The following NEGR1 variants were observed in gnomAD, a reference collection of about 807,000 sequenced individuals.
NEGR1 encodes IgLON family member 4.
In NEGR1, 10 loss-of-function variants were observed where a neutral mutation model predicts 40.9. The ratio of observed to expected loss-of-function variants is 0.24; its 90% CI spans 0.15 to 0.42. The LOEUF (loss-of-function observed/expected upper bound fraction) is 0.42, where lower values mean the gene tolerates loss of function less well. NEGR1 is among the 10% of genes least tolerant of loss of function. NEGR1 has a pLI of 1.00. For missense variants in NEGR1, 352 were observed against 438.9 expected, an observed-to-expected ratio of 0.80 and a Z score of 1.77; for synonymous variants, 185 against 166.8, an observed-to-expected ratio of 1.11 and a Z score of -0.84.
chr1:72,092,335 C>T (rs1453315543), intron 1 of NEGR1, among the ~76,000 whole-genome samples: 4 of 152,046 alleles, frequency 2.6e-5, no homozygotes, highest in African/African-American at 7.2e-5. Flanking sequence ...CTCTACCAAA[C>T]ATGAAAAAAT....
chr1:71,638,432 T>A (rs1232868712), intron 4 of NEGR1, among the ~76,000 whole-genome samples: 1 of 152,058 alleles, frequency 6.6e-6, no homozygotes, highest in African/African-American at 2.4e-5. Flanking sequence ...GATTAGAGAA[T>A]ATAAAAATAA....
At chr1:71,819,374 A>G (rs1185558245) in intron 2 of NEGR1, among the ~76,000 whole-genome samples, 1 of 151,996 alleles carries the variant, frequency 6.6e-6, no homozygotes, top group Non-Finnish European at 1.5e-5. Context: ...AATAAATGCC[A>G]CTATAGACCA....
intron 6 of NEGR1, among the ~76,000 whole-genome samples, chr1:71,519,720 A>T (rs546792662): frequency 1.9e-5 from 2 of 102,860 alleles, no homozygotes; most frequent in South Asian, 6.7e-4. Context: ...CCTAACACTT[A>T]GAGTATAATA....
intron 1 of NEGR1, among the ~76,000 whole-genome samples, chr1:72,018,809 G>A (rs562375219): frequency 1.3e-5 from 2 of 152,210 alleles, no homozygotes; most frequent in Admixed American, 6.5e-5. Flanking sequence ...CACAGTCAGG[G>A]GCCACTGCAA....
chr1:72,001,903 C>A (rs959086369), intron 1 of NEGR1, among the ~76,000 whole-genome samples: 1 of 151,798 alleles, frequency 6.6e-6, no homozygotes, highest in Admixed American at 6.6e-5. Context: ...CTACATAGAC[C>A]ATAGACATGT....
intron 6 of NEGR1, among the ~76,000 whole-genome samples, chr1:71,453,966 A>G (rs185388664): frequency 6.6e-6 from 1 of 152,290 alleles, no homozygotes; most frequent in East Asian, 1.9e-4. Context: ...TATGCTGCAA[A>G]TGTTAGTTTT....
intron 4 of NEGR1, among the ~76,000 whole-genome samples, chr1:71,675,779 G>C (rs1431202750): frequency 8.5e-6 from 1 of 118,154 alleles, no homozygotes; most frequent in Non-Finnish European, 1.8e-5. Flanking sequence ...GGTTTTTGTT[G>C]TTGTTGTTTG....
intron 1 of NEGR1, among the ~76,000 whole-genome samples, chr1:72,119,852 A>T (rs995727268): frequency 1.3e-5 from 2 of 152,008 alleles, no homozygotes. Context: ...AAGGCTTCTC[A>T]TAGGGAATTT....
chr1:71,540,368 G>A (rs1184708691), intron 6 of NEGR1, among the ~76,000 whole-genome samples: 6 of 151,704 alleles, frequency 4.0e-5, no homozygotes, highest in African/African-American at 1.2e-4. Flanking sequence ...GAAAGGCAGG[G>A]CCTAGATACC....
intron 1 of NEGR1, among the ~76,000 whole-genome samples, chr1:71,941,355 T>G (rs1645957658): frequency 6.6e-6 from 1 of 152,160 alleles, no homozygotes; most frequent in Non-Finnish European, 1.5e-5. Flanking sequence ...TAGGGCACTC[T>G]CTTCTTGATA....
chr1:71,528,403 C>T (rs573273989), intron 6 of NEGR1, among the ~76,000 whole-genome samples: 2 of 151,364 alleles, frequency 1.3e-5, no homozygotes, highest in African/African-American at 4.8e-5. Context: ...AGATAATAAC[C>T]TATGCTCCTA....
chr1:71,758,151 G>T (rs1173004590), intron 3 of NEGR1, among the ~76,000 whole-genome samples: 4 of 152,000 alleles, frequency 2.6e-5, no homozygotes, highest in South Asian at 2.1e-4. Context: ...GGTAACCCAA[G>T]TCCTAACCAT....
intron 4 of NEGR1, among the ~76,000 whole-genome samples, chr1:71,676,176 C>A (rs1652627854): frequency 6.6e-6 from 1 of 152,078 alleles, no homozygotes; most frequent in Admixed American, 6.6e-5. Flanking sequence ...GGGTTCCAAG[C>A]CACTAAGGAC....
chr1:71,971,977 T>C (rs17092006), intron 1 of NEGR1, among the ~76,000 whole-genome samples: 3,486 of 152,298 alleles, frequency 0.023, 121 homozygotes, highest in African/African-American at 0.079. Flanking sequence ...GAGACTGTTT[T>C]TAGGAAAATA....
chr1:72,264,567 A>C (rs2100549631), intron 1 of NEGR1, among the ~76,000 whole-genome samples: 1 of 150,914 alleles, frequency 6.6e-6, no homozygotes, highest in East Asian at 1.9e-4. Context: ...ATAAAGTCAT[A>C]TTTCTTTGTT....
At chr1:72,262,420 A>G (rs999676595) in intron 1 of NEGR1, among the ~76,000 whole-genome samples, 5 of 151,972 alleles carry the variant, frequency 3.3e-5, no homozygotes, top group African/African-American at 4.8e-5. Context: ...AGGGTTCATT[A>G]CTTTTGTCCT....
chr1:71,894,693 G>T (rs1399227888), intron 2 of NEGR1, among the ~76,000 whole-genome samples: 1 of 152,208 alleles, frequency 6.6e-6, no homozygotes, highest in Non-Finnish European at 1.5e-5. Flanking sequence ...ACGCTAACTT[G>T]TCAATCCTTC....
At chr1:72,247,980 G>A (rs1227875396) in intron 1 of NEGR1, among the ~76,000 whole-genome samples, 1 of 152,030 alleles carries the variant, frequency 6.6e-6, no homozygotes, top group African/African-American at 2.4e-5. Context: ...GGTGCATCAC[G>A]TGGTGAAAGC....
At chr1:71,832,831 G>A (rs1291901527) in intron 2 of NEGR1, among the ~76,000 whole-genome samples, 1 of 152,012 alleles carries the variant, frequency 6.6e-6, no homozygotes, top group Non-Finnish European at 1.5e-5. Context: ...TTCAAACAGG[G>A]AAGCCTGTTT....
Sources: gnomAD v4.1 joint callset for allele counts (sites outside exome capture counted in the v4.1 genomes callset) on GRCh38, gnomAD v4.1.1 for gene constraint, MANE v1.5 for transcripts, NCBI Gene and HGNC (gene_info 2026-07-23, HGNC 2026-07-21) for gene names.